Variants in DPYSL5 observed in about 807,000 individuals in gnomAD.
DPYSL5 encodes the protein dihydropyrimidinase-related protein 5.
DPYSL5 carries 9 observed loss-of-function variants against 58.4 expected under a neutral mutation model. The ratio of observed to expected loss-of-function variants is 0.15; its 90% CI spans 0.09 to 0.27. The LOEUF (loss-of-function observed/expected upper bound fraction) is 0.27. Among genes scored for constraint, DPYSL5 ranks in the 10% least tolerant of loss-of-function variants. The pLI is 1.00. For missense variants in DPYSL5, 499 were observed against 770.6 expected (o/e 0.65, Z 4.17); for synonymous variants, 293 against 301.9 (o/e 0.97, Z 0.31).
chr2:26,903,700 T>A (rs1009387011), intron 2 of DPYSL5, among the ~76,000 whole-genome samples: 1 of 57,982 alleles, frequency 1.7e-5, no homozygotes, highest in Non-Finnish European at 3.8e-5. Flanking sequence ...ACCTTGCTGG[T>A]CTTTCTTATT....
rs1406255404 is a variant in DPYSL5 at position 26,934,872 on chromosome 2, GC to G, written c.947+141del. The G allele has an allele frequency of 3.4e-6, 4 of 1,189,492 alleles. No homozygotes were observed. The highest frequency in any genetic ancestry group is 4.7e-6 in the Non-Finnish European group (4 of 844,944). The allele number at this position is 1,189,492 out of a possible 1,614,324, so 73.7% of individuals were successfully genotyped here. On this transcript the variant is annotated intron_variant, in intron 8 of 12. Transcript: ENST00000288699. This position sits in a 1 kb window ranked among gnomAD's most constrained non-coding sequence, Gnocchi z 4.3. ...ATTGTGCTTTTCTTACCTTCTCTGA[GC>G]CCATCAGATAATTGCCATCCTATTG...
rs927177529 is a variant in DPYSL5, at chr2:26,872,364, A to C, written c.-5+24110A>C. Among the ~76,000 whole-genome samples the C allele has an allele frequency of 2.0e-5, 3 of 152,342 alleles. No homozygotes were observed. The South Asian group carries it at 6.2e-4, about 32-fold the overall frequency. The stretch of plus-strand genomic sequence containing the variant: ...ATTTATAATTGGACTCTGTCATTCC[A>C]CAGAACACTCCACAGAAGTGTCATC... On this transcript the variant is annotated intron_variant, in intron 1 of 12. Coordinates refer to ENST00000288699, the MANE Select transcript of DPYSL5 (RefSeq NM_020134.4).
At chr2:26,866,561 G>A (rs539020926) in intron 1 of DPYSL5, among the ~76,000 whole-genome samples, 84 of 151,816 alleles carry the variant, frequency 5.5e-4, no homozygotes, top group Non-Finnish European at 7.5e-4. Flanking sequence ...GAATTGTAAT[G>A]TTCCCAATAC....
At chr2:26,894,599 C>T (rs540969647) in intron 1 of DPYSL5, among the ~76,000 whole-genome samples, 7 of 152,280 alleles carry the variant, frequency 4.6e-5, no homozygotes, top group South Asian at 2.1e-4. Flanking sequence ...CTACCTCCTT[C>T]GGGAGCTCAC....
chr2:26,914,038 G>A (rs1257515277), intron 2 of DPYSL5, among the ~76,000 whole-genome samples: 1 of 151,916 alleles, frequency 6.6e-6, no homozygotes, highest in Admixed American at 6.6e-5. Flanking sequence ...GGGAGACCCT[G>A]AAGCCAGGGA....
intron 1 of DPYSL5, among the ~76,000 whole-genome samples, chr2:26,880,085 T>C (rs183422322): frequency 6.6e-6 from 1 of 152,246 alleles, no homozygotes; most frequent in East Asian, 1.9e-4. Context: ...AGACAGAGTC[T>C]CACTACGCTG....
intron 1 of DPYSL5, among the ~76,000 whole-genome samples, chr2:26,857,510 A>G (rs1413469728): frequency 6.6e-6 from 1 of 151,980 alleles, no homozygotes; most frequent in African/African-American, 2.4e-5. Context: ...ACTGCCCTCC[A>G]GCCTGGGCGA....
intron 2 of DPYSL5, among the ~76,000 whole-genome samples, chr2:26,907,315 T>C (rs1417410320): frequency 6.6e-6 from 1 of 152,078 alleles, no homozygotes; most frequent in Non-Finnish European, 1.5e-5. Context: ...AGTTTCTCCA[T>C]GTTGGTCAGG....
chr2:26,941,636 T>A (rs941970133), intron 9 of DPYSL5, among the ~76,000 whole-genome samples: 23 of 152,242 alleles, frequency 1.5e-4, no homozygotes, highest in African/African-American at 5.5e-4. Context: ...GGGAGGTTCC[T>A]GACTCATCCG....
rs1423210738 is a variant in DPYSL5, at chr2:26,905,014, C to T, written c.261+6254C>T. Among the ~76,000 whole-genome samples the T allele has an allele frequency of 6.6e-6, 1 of 152,242 alleles. No homozygotes were observed. Among genetic ancestry groups the T allele is most frequent in the African/African-American group, 2.4e-5 (1 of 41,460 alleles). On this transcript the variant is annotated intron_variant, in intron 2 of 12. Transcript: ENST00000288699. This position sits in a 1 kb window ranked among gnomAD's most constrained non-coding sequence, Gnocchi z 4.0. ...CTTTCACCACCCTGTTCAAGGCCTC[C>T]TGAGACCTCGGGACTGAACAATCAC...
At chr2:26,892,677 A>C (rs35650673) in intron 1 of DPYSL5, among the ~76,000 whole-genome samples, 1 of 151,688 alleles carries the variant, frequency 6.6e-6, no homozygotes, top group African/African-American at 2.4e-5. Context: ...AAAAAAAAAA[A>C]CAAAAACAAA....
At position 26,927,922 on chromosome 2, in the gene DPYSL5, C is replaced by T. The variant is rs1363842233; in HGVS notation, c.601-333C>T. ...GTTGCTGGAAGCTAGAGCTTAGTCT[C>T]GATTTCCAGAGAGGGAATTCTGAGT... On this transcript the variant is annotated intron_variant, in intron 4 of 12. Transcript: ENST00000288699. This position sits in a 1 kb window ranked among gnomAD's most constrained non-coding sequence, Gnocchi z 4.3. 6.6e-6 allele frequency among the ~76,000 whole-genome samples: 1 copy of T among 152,096 alleles called. No individual in the cohort carries two copies. The highest frequency in any genetic ancestry group is 1.5e-5 in the Non-Finnish European group (1 of 68,016).
At chr2:26,888,919 G>C (rs902855462) in intron 1 of DPYSL5, among the ~76,000 whole-genome samples, 3 of 152,132 alleles carry the variant, frequency 2.0e-5, no homozygotes, top group Non-Finnish European at 4.4e-5. Flanking sequence ...AGTTGAAGCT[G>C]AGGGTTGCTG....
chr2:26,893,932 A>G (rs1289806818), intron 1 of DPYSL5, among the ~76,000 whole-genome samples: 2 of 152,032 alleles, frequency 1.3e-5, no homozygotes, highest in Admixed American at 1.3e-4. Context: ...AGTTTGTCCT[A>G]TATTTTCTAA....
rs142735086 is a variant in DPYSL5, at chr2:26,928,574, T to C, written c.669+251T>C. Among the ~76,000 whole-genome samples, 258 of 150,408 alleles carry C rather than the reference T, an allele frequency of 1.7e-3. 2 individuals are homozygous for C. The highest frequency in any genetic ancestry group is 6.0e-3 in the African/African-American group (245 of 40,850). The stretch of plus-strand genomic sequence containing the variant: ...TTAGCTGGGCATAGTGGTGCATGCC[T>C]GTAGTCCCAGCTAACTACTTGGGAG... On this transcript the variant is annotated intron_variant, in intron 5 of 12. Coordinates refer to ENST00000288699, the MANE Select transcript of DPYSL5 (RefSeq NM_020134.4).
intron 1 of DPYSL5, among the ~76,000 whole-genome samples, chr2:26,853,961 G>A (rs561791033): frequency 1.3e-5 from 2 of 151,904 alleles, no homozygotes; most frequent in South Asian, 4.2e-4. Flanking sequence ...GATTGCTTGG[G>A]CCTTGGAGGT....
Position 26,898,150 on chromosome 2 carries a change from T to G in DPYSL5, c.-4-346T>G, listed in dbSNP as rs768571319. On this transcript the variant is annotated intron_variant, in intron 1 of 12. Coordinates refer to ENST00000288699, the MANE Select transcript of DPYSL5 (RefSeq NM_020134.4). The surrounding 1 kb of genome is among the most constrained non-coding windows in gnomAD (Gnocchi z 6.1). ...CAGCTTTCTCATCTGTAAAATGCCT[T>G]GGGTTGTTTTGGGGATAGTAGAGAT... 3.3e-5 allele frequency among the ~76,000 whole-genome samples: 5 copies of G among 152,134 alleles called. No homozygotes were observed. The highest frequency in any genetic ancestry group is 5.9e-5 in the Non-Finnish European group (4 of 68,022).
chr2:26,895,724 C>A (rs936660115), intron 1 of DPYSL5, among the ~76,000 whole-genome samples: 5 of 151,656 alleles, frequency 3.3e-5, no homozygotes, highest in Admixed American at 1.3e-4. Context: ...TCCCCTTTAC[C>A]CCAACTACTC....
Position 26,898,348 on chromosome 2 carries a change from C to A in DPYSL5, c.-4-148C>A. 1 of 1,112,110 alleles carries A rather than the reference C, an allele frequency of 9.0e-7. No individual in the cohort carries two copies. Among genetic ancestry groups the A allele is most frequent in the Non-Finnish European group, 1.3e-6 (1 of 770,282 alleles). 68.9% of individuals were successfully genotyped at this position (1,112,110 alleles called of 1,614,324 possible). A position where few individuals can be genotyped will look rare whatever the true frequency, so the allele number is the denominator to read the frequency against. ...GTCCCTCTGGGAAGCCAGTGGGAGG[C>A]TTGTGACTCCCGCTGGCTGTAGGGG... On this transcript the variant is annotated intron_variant, in intron 1 of 12. Coordinates refer to ENST00000288699, the MANE Select transcript of DPYSL5 (RefSeq NM_020134.4). This position sits in a 1 kb window ranked among gnomAD's most constrained non-coding sequence, Gnocchi z 6.1.
Sources: gnomAD v4.1 joint callset for allele counts (sites outside exome capture counted in the v4.1 genomes callset) on GRCh38, gnomAD v4.1.1 for gene constraint, Gnocchi (gnomAD v3.1) non-coding constraint, MANE v1.5 for transcripts, NCBI Gene and HGNC (gene_info 2026-07-23, HGNC 2026-07-21) for gene names.